Variants in GRIK1 observed in about 807,000 individuals in gnomAD.
The protein encoded by GRIK1 is glutamate ionotropic receptor kainate type subunit 1.
In GRIK1, 69 loss-of-function variants were observed where a neutral mutation model predicts 105.7. The observed-to-expected ratio is 0.65, with a 90% CI of 0.54 to 0.80. The LOEUF (loss-of-function observed/expected upper bound fraction) is 0.80. GRIK1 is among the 30% of genes least tolerant of loss of function. GRIK1 has a pLI of 0.00. For missense variants in GRIK1, 1,109 were observed against 1,167.3 expected (o/e 0.95, Z 0.73); for synonymous variants, 438 against 431.3 (o/e 1.02, Z -0.19).
At chr21:29,661,622 C>T (rs11701584) in intron 4 of GRIK1, among the ~76,000 whole-genome samples, 76,336 of 152,048 alleles carry the variant, frequency 0.5, 22,201 homozygotes, top group African/African-American at 0.82. Context: ...GATTTTAGAT[C>T]TCTGATTTCT....
intron 1 of GRIK1, among the ~76,000 whole-genome samples, chr21:29,711,525 A>G (rs1433209376): frequency 6.6e-6 from 1 of 151,996 alleles, no homozygotes; most frequent in East Asian, 1.9e-4. Context: ...TACAATAGAC[A>G]CCAAGGAATC....
intron 1 of GRIK1, among the ~76,000 whole-genome samples, chr21:29,747,603 G>A (rs990364033): frequency 2.0e-5 from 3 of 152,176 alleles, no homozygotes; most frequent in Non-Finnish European, 2.9e-5. Context: ...GGCTGAGGCA[G>A]GTGGATCACG....
intron 1 of GRIK1, among the ~76,000 whole-genome samples, chr21:29,904,072 A>G (rs994309679): frequency 3.9e-5 from 6 of 152,168 alleles, no homozygotes; most frequent in African/African-American, 1.4e-4. Flanking sequence ...GGAGTTGAAC[A>G]ATGAGAACAC....
At chr21:29,616,232 A>G (rs534844896) in intron 7 of GRIK1, among the ~76,000 whole-genome samples, 1 of 152,164 alleles carries the variant, frequency 6.6e-6, no homozygotes, top group East Asian at 1.9e-4. Flanking sequence ...TAGCTCAACT[A>G]TTTTCAGACA....
intron 14 of GRIK1, among the ~76,000 whole-genome samples, chr21:29,566,331 A>G (rs1166068265): frequency 2.0e-5 from 3 of 152,226 alleles, no homozygotes; most frequent in African/African-American, 7.2e-5. Flanking sequence ...GCTTCTTAGC[A>G]AAAGTTGCTA....
chr21:29,654,507 T>C lies in GRIK1; in HGVS notation c.780+303A>G, dbSNP rs536935107. Among the ~76,000 whole-genome samples the C allele has an allele frequency of 2.0e-5, 3 of 152,338 alleles. No homozygotes were observed. The South Asian group carries it at 6.2e-4, about 32-fold the overall frequency. On this transcript the variant is annotated intron_variant, in intron 5 of 17. Transcript: ENST00000327783. ...TATATAAAAATTGTAGATGATGTTTTTTATGAATAGTTTTTACTTTAATAG... is the reference window on the plus strand; with the variant it reads ...TATATAAAAATTGTAGATGATGTTTCTTATGAATAGTTTTTACTTTAATAG...
intron 4 of GRIK1, among the ~76,000 whole-genome samples, chr21:29,664,959 A>C (rs760306308): frequency 2.0e-5 from 3 of 152,204 alleles, no homozygotes. Context: ...GTGCCCTGAC[A>C]TACATATCTT....
chr21:29,560,296 T>TTTCC (rs2090365945), intron 15 of GRIK1, among the ~76,000 whole-genome samples: 3 of 92,968 alleles, frequency 3.2e-5, no homozygotes, highest in East Asian at 2.9e-4. Flanking sequence ...TCTTTCTTTC[T>TTTCC]TTCTTTCTTT....
chr21:29,909,228 G>C (rs2070736666), intron 1 of GRIK1, among the ~76,000 whole-genome samples: 1 of 151,690 alleles, frequency 6.6e-6, no homozygotes, highest in Non-Finnish European at 1.5e-5. Context: ...GGATCTTTAA[G>C]GGCCCTAAAG....
chr21:29,877,317 T>C (rs1297993704), intron 1 of GRIK1, among the ~76,000 whole-genome samples: 1 of 152,178 alleles, frequency 6.6e-6, no homozygotes, highest in Non-Finnish European at 1.5e-5. Context: ...TATAAATCTA[T>C]TGCAGAGTGG....
At chr21:29,807,693 T>TAC (rs1161214602) in intron 1 of GRIK1, among the ~76,000 whole-genome samples, 1 of 152,200 alleles carries the variant, frequency 6.6e-6, no homozygotes, top group African/African-American at 2.4e-5. Context: ...CATATTTATA[T>TAC]ACAACAAAGC....
intron 12 of GRIK1, among the ~76,000 whole-genome samples, chr21:29,582,565 A>G (rs768144928): frequency 6.6e-5 from 10 of 152,102 alleles, no homozygotes; most frequent in Admixed American, 3.9e-4. Context: ...AATCTGTGGA[A>G]CCAAATATAT....
intron 1 of GRIK1, among the ~76,000 whole-genome samples, chr21:29,905,120 A>G (rs1235583335): frequency 6.6e-5 from 10 of 152,198 alleles, no homozygotes; most frequent in African/African-American, 2.2e-4. Flanking sequence ...TTAAACCTGG[A>G]TCAAAGCCAA....
intron 1 of GRIK1, among the ~76,000 whole-genome samples, chr21:29,797,509 T>C (rs1419675730): frequency 6.6e-6 from 1 of 152,248 alleles, no homozygotes; most frequent in Non-Finnish European, 1.5e-5. Context: ...CTGTGTATTA[T>C]ATATGCACCC....
At chr21:29,727,127 T>C (rs559088745) in intron 1 of GRIK1, among the ~76,000 whole-genome samples, 4 of 152,190 alleles carry the variant, frequency 2.6e-5, no homozygotes, top group African/African-American at 9.6e-5. Flanking sequence ...GGTCTCATCA[T>C]GTTGCCCAGG....
At chr21:29,902,824 G>T (rs1254613639) in intron 1 of GRIK1, among the ~76,000 whole-genome samples, 1 of 152,146 alleles carries the variant, frequency 6.6e-6, no homozygotes, top group Non-Finnish European at 1.5e-5. Flanking sequence ...ACATAGCCAA[G>T]ACAATCCTGG....
chr21:29,815,243 T>C lies in GRIK1; in HGVS notation c.119-121180A>G, dbSNP rs144281180. Among the ~76,000 whole-genome samples, 564 of 152,332 alleles carry C rather than the reference T, an allele frequency of 3.7e-3. 1 individual carries two copies. The highest frequency in any genetic ancestry group is 0.012 in the African/African-American group (512 of 41,592). ...CAGTGTCTGAGACTCATGGAAGCTC[T>C]GGAGTCTTATCCAGTCCTTTCCTAA... is the stretch of plus-strand genomic sequence containing the variant. On this transcript the variant is annotated intron_variant, in intron 1 of 17. Coordinates refer to ENST00000327783, the MANE Select transcript of GRIK1 (RefSeq NM_001330994.2).
chr21:29,596,396 A>G, intron 9 of GRIK1, 130 bp downstream of exon 9: 1 of 778,838 alleles, frequency 1.3e-6, no homozygotes, highest in South Asian at 1.4e-5. Flanking sequence ...CTCTCTCTTT[A>G]CATGGAACTT....
chr21:29,739,132 A>G (rs1453677048), intron 1 of GRIK1, among the ~76,000 whole-genome samples: 1 of 152,218 alleles, frequency 6.6e-6, no homozygotes, highest in Non-Finnish European at 1.5e-5. Context: ...AATATAATAT[A>G]ATGACAGGCA....
Sources: gnomAD v4.1 joint callset for allele counts (sites outside exome capture counted in the v4.1 genomes callset) on GRCh38, gnomAD v4.1.1 for gene constraint, MANE v1.5 for transcripts, NCBI Gene and HGNC (gene_info 2026-07-23, HGNC 2026-07-21) for gene names.